The following MAF variants were observed in gnomAD, a reference collection of about 807,000 sequenced individuals.
The protein encoded by MAF is MAF bZIP transcription factor.
A neutral mutation model predicts 22.0 loss-of-function variants in MAF; 10 were observed. The observed-to-expected ratio is 0.45, with a 90% CI of 0.28 to 0.77. The LOEUF is 0.77. Among genes scored for constraint, MAF ranks in the 30% least tolerant of loss-of-function variants. The probability of loss-of-function intolerance (pLI) is 0.12; values close to 1 mark genes in which losing one functional copy is unlikely to be tolerated. For synonymous variants in MAF, 337 were observed against 255.8 expected, an observed-to-expected ratio of 1.32 and a Z score of -3.03; for missense variants, 544 against 548.4, an observed-to-expected ratio of 0.99 and a Z score of 0.08.
chr16:79,597,541 C>CTGGT, intron 1 of MAF: 3 of 1,022,982 alleles, frequency 2.9e-6, no homozygotes, highest in Non-Finnish European at 3.5e-6. Context: ...GTAACCCATT[C>CTGGT]TGGTATCTTT....
At chr16:79,523,767 C>T in the MAF span, among the ~76,000 whole-genome samples, 1 of 152,326 alleles carries the variant, frequency 6.6e-6, no homozygotes, top group African/African-American at 2.4e-5. Flanking sequence ...ATACATCCTT[C>T]AAGTGCTAAG....
chr16:79,362,312 T>C, the MAF span, among the ~76,000 whole-genome samples: 17 of 152,210 alleles, frequency 1.1e-4, no homozygotes, highest in Non-Finnish European at 2.2e-4. Context: ...CTATGCTTTT[T>C]CAGGCTTTTT....
chr16:79,212,477 A>G, the MAF span: 2 of 225,296 alleles, frequency 8.9e-6, no homozygotes, highest in African/African-American at 4.5e-5. Context: ...TTCCTTAGAT[A>G]CCTTGAAAGG....
the MAF span, among the ~76,000 whole-genome samples, chr16:79,230,910 G>C: frequency 6.6e-6 from 1 of 151,988 alleles, no homozygotes; most frequent in Non-Finnish European, 1.5e-5. Flanking sequence ...GATCCTACGG[G>C]GTAGGGCTGC....
At chr16:79,309,435 C>T in the MAF span, among the ~76,000 whole-genome samples, 36 of 152,348 alleles carry the variant, frequency 2.4e-4, no homozygotes, top group African/African-American at 3.6e-4. Flanking sequence ...TTCTGCTACA[C>T]GCTGAGCAAC....
chr16:79,505,955 G>A, the MAF span, among the ~76,000 whole-genome samples: 1 of 151,630 alleles, frequency 6.6e-6, no homozygotes, highest in Non-Finnish European at 1.5e-5. Flanking sequence ...AAAAGAGAAA[G>A]AAAGAAAGAA....
At chr16:79,586,333 C>T (rs1912838490) in intron 1 of MAF, among the ~76,000 whole-genome samples, 1 of 152,214 alleles carries the variant, frequency 6.6e-6, no homozygotes, top group Non-Finnish European at 1.5e-5. Context: ...CAAGGACTCT[C>T]AGGCTGTCCG....
the MAF span, among the ~76,000 whole-genome samples, chr16:79,403,005 G>T: frequency 6.6e-6 from 1 of 152,176 alleles, no homozygotes; most frequent in Non-Finnish European, 1.5e-5. Flanking sequence ...GCTGGGCCCT[G>T]GTTGTGAGCA....
At chr16:79,306,824 T>G in the MAF span, among the ~76,000 whole-genome samples, 1 of 152,218 alleles carries the variant, frequency 6.6e-6, no homozygotes, top group African/African-American at 2.4e-5. Flanking sequence ...TTGGACAAGC[T>G]ACGTACATTT....
the MAF span, among the ~76,000 whole-genome samples, chr16:79,307,785 G>A: frequency 1.3e-5 from 2 of 152,114 alleles, no homozygotes; most frequent in Non-Finnish European, 2.9e-5. Context: ...GAAATAATTA[G>A]GCCCTGGATT....
the MAF span, among the ~76,000 whole-genome samples, chr16:79,558,228 G>C: frequency 6.6e-6 from 1 of 152,114 alleles, no homozygotes; most frequent in Non-Finnish European, 1.5e-5. Flanking sequence ...AGAGAAATGT[G>C]TGCATTTATA....
chr16:79,376,140 G>A, the MAF span, among the ~76,000 whole-genome samples: 1 of 151,880 alleles, frequency 6.6e-6, no homozygotes. Flanking sequence ...AAAATCACCA[G>A]AAAAAGGTAA....
At chr16:79,503,119 G>GGGCTGGGCACAA in the MAF span, among the ~76,000 whole-genome samples, 2 of 151,970 alleles carry the variant, frequency 1.3e-5, no homozygotes, top group African/African-American at 4.8e-5. Context: ...CTTGGTTTAC[G>GGGCTGGGCACAA]GGCTGGGCAC....
At chr16:79,494,662 T>C in the MAF span, among the ~76,000 whole-genome samples, 16 of 152,158 alleles carry the variant, frequency 1.1e-4, no homozygotes, top group Non-Finnish European at 1.8e-4. Flanking sequence ...TGACACCAAA[T>C]GTGTAGGAGT....
At chr16:79,457,015 G>A in the MAF span, among the ~76,000 whole-genome samples, 2 of 151,882 alleles carry the variant, frequency 1.3e-5, no homozygotes, top group African/African-American at 4.8e-5. Flanking sequence ...AAGAAATTTG[G>A]GTAAATGTAA....
At chr16:79,494,911 G>A in the MAF span, among the ~76,000 whole-genome samples, 2 of 152,142 alleles carry the variant, frequency 1.3e-5, no homozygotes, top group African/African-American at 4.8e-5. Context: ...CAAAAAGTCA[G>A]AGAAATATTT....
chr16:79,437,448 C>A, the MAF span, among the ~76,000 whole-genome samples: 1 of 152,100 alleles, frequency 6.6e-6, no homozygotes, highest in Non-Finnish European at 1.5e-5. Flanking sequence ...GCTTGAAATG[C>A]TTCAAGAATG....
chr16:79,555,236 G>T, the MAF span, among the ~76,000 whole-genome samples: 1 of 152,130 alleles, frequency 6.6e-6, no homozygotes, highest in Non-Finnish European at 1.5e-5. Flanking sequence ...GCTGCCCTGG[G>T]ATTGCAATTC....
At chr16:79,229,687 G>A in the MAF span, among the ~76,000 whole-genome samples, 78 of 131,320 alleles carry the variant, frequency 5.9e-4, 1 homozygote, top group African/African-American at 2.0e-3. Context: ...TGAGCCACGG[G>A]GCTGGCTCCT....
Sources: allele counts gnomAD v4.1 joint callset (sites outside exome capture counted in the v4.1 genomes callset), GRCh38; gene constraint gnomAD v4.1.1; transcripts MANE v1.5; gene names NCBI Gene and HGNC (gene_info 2026-07-23, HGNC 2026-07-21).